Variants in REC114 observed in about 807,000 individuals in gnomAD.
REC114 encodes meiotic recombination protein REC114.
A neutral mutation model predicts 31.3 loss-of-function variants in REC114; 27 were observed. The ratio of observed to expected loss-of-function variants is 0.86; its 90% CI spans 0.64 to 1.19. The LOEUF is 1.19. Among genes scored for constraint, REC114 ranks in the 50% most tolerant of loss-of-function variants. The pLI is 0.00. For synonymous variants in REC114, 134 were observed against 127.7 expected (o/e 1.05, Z -0.33); for missense variants, 344 against 326.9 (o/e 1.05, Z -0.40).
At position 73,540,560 on chromosome 15, in the gene REC114, A is replaced by T; in HGVS notation, c.325A>T (p.Thr109Ser). 6.2e-7 allele frequency: 1 copy of T among 1,612,424 alleles called. No individual in the cohort carries two copies. The highest frequency in any genetic ancestry group is 8.5e-7 in the Non-Finnish European group (1 of 1,178,474). ...RRVDCLLFGT[T>S]IKDKSRLFRV... ...CGTGGATTGTCTGTTGTTTGGAACAACGATAAAGGCAAGATTTAAGCTAAT... is the reference window on the plus strand; with the variant it reads ...CGTGGATTGTCTGTTGTTTGGAACATCGATAAAGGCAAGATTTAAGCTAAT... Residue 109 changes from threonine (T) to serine (S), a missense_variant, in exon 3 of 6, where the codon ACG becomes TCG. Coordinates refer to ENST00000331090, the MANE Select transcript of REC114 (RefSeq NM_001042367.2).
At chr15:73,540,256 A>G (rs1321826246) in intron 2 of REC114, among the ~76,000 whole-genome samples, 3 of 152,138 alleles carry the variant, frequency 2.0e-5, no homozygotes, top group Non-Finnish European at 4.4e-5. Context: ...TCAACATAAA[A>G]AGATTAAGAA....
At chr15:73,509,821 C>A (rs1893736590) in intron 2 of REC114, among the ~76,000 whole-genome samples, 1 of 152,064 alleles carries the variant, frequency 6.6e-6, no homozygotes, top group Non-Finnish European at 1.5e-5. Flanking sequence ...TGGTACCAGT[C>A]CCATGCTGTT....
chr15:73,449,351 A>T (rs1892813202), intron 1 of REC114, among the ~76,000 whole-genome samples: 2 of 152,162 alleles, frequency 1.3e-5, no homozygotes, highest in Non-Finnish European at 2.9e-5. Flanking sequence ...CATGAAGCAT[A>T]CACAAGTATC....
chr15:73,551,026 C>T lies in REC114; in HGVS notation c.422C>T (p.Ala141Val), dbSNP rs191274114. 8 of 1,613,888 alleles carry T rather than the reference C, an allele frequency of 5.0e-6. No homozygotes were observed. The East Asian group carries it at 1.8e-4, about 36-fold the overall frequency. Reference sequence around the variant, plus strand: ...TGCTGCAGTTGTGTTCAGAAGCTGGCACAATACATAACCGTGCAGGTGCCT... The same window carrying T: ...TGCTGCAGTTGTGTTCAGAAGCTGGTACAATACATAACCGTGCAGGTGCCT... ...EHCCSCVQKL[A>V]QYITVQVPDG... Residue 141 changes from alanine to valine, a missense_variant, in exon 4 of 6, where the codon GCA becomes GTA. Ala to Val is a moderately conservative substitution (Grantham distance 64). Transcript: ENST00000331090.
chr15:73,458,445 T>TA (rs1291317404), intron 1 of REC114, among the ~76,000 whole-genome samples: 1 of 152,134 alleles, frequency 6.6e-6, no homozygotes, highest in East Asian at 1.9e-4. Flanking sequence ...TCATCAAGAG[T>TA]TATTATCCTT....
In REC114 at chr15:73,491,358, A is replaced by G. The variant is rs1032943568; in HGVS notation, c.249+17437A>G. Among the ~76,000 whole-genome samples, 4 of 149,622 alleles carry G rather than the reference A, an allele frequency of 2.7e-5. No individual in the cohort carries two copies. In the East Asian group the frequency reaches 8.0e-4, roughly 30 times the overall value. On this transcript the variant is annotated intron_variant, in intron 2 of 5. Coordinates refer to ENST00000331090, the MANE Select transcript of REC114 (RefSeq NM_001042367.2). Reference sequence around the variant, plus strand: ...TATTATCTTAATTTCTTTGTGTACTATCTTAATTTCTTTGTGTATTATCTT... The same window carrying G: ...TATTATCTTAATTTCTTTGTGTACTGTCTTAATTTCTTTGTGTATTATCTT...
chr15:73,479,486 T>C (rs1893263420), intron 2 of REC114, among the ~76,000 whole-genome samples: 1 of 152,072 alleles, frequency 6.6e-6, no homozygotes, highest in East Asian at 1.9e-4. Context: ...ATATACAATA[T>C]AGTGCTATTA....
At chr15:73,459,162 C>G (rs1341762590) in intron 1 of REC114, among the ~76,000 whole-genome samples, 2 of 152,048 alleles carry the variant, frequency 1.3e-5, no homozygotes, top group Non-Finnish European at 2.9e-5. Context: ...TCAGATGATC[C>G]TATAAGGTAG....
chr15:73,513,608 T>C (rs1163211816), intron 2 of REC114, among the ~76,000 whole-genome samples: 1 of 151,922 alleles, frequency 6.6e-6, no homozygotes, highest in Non-Finnish European at 1.5e-5. Flanking sequence ...GATGGTGATG[T>C]ACAGATGGGT....
At chr15:73,542,574 C>T (rs1894254988) in intron 3 of REC114, among the ~76,000 whole-genome samples, 1 of 152,132 alleles carries the variant, frequency 6.6e-6, no homozygotes, top group South Asian at 2.1e-4. Flanking sequence ...CCACAACCCC[C>T]AGAAGATGCC....
intron 2 of REC114, among the ~76,000 whole-genome samples, chr15:73,474,409 A>T (rs547953655): frequency 6.6e-6 from 1 of 152,222 alleles, no homozygotes; most frequent in South Asian, 2.1e-4. Flanking sequence ...ATGAAGAAAT[A>T]TGTAAAGAAA....
At chr15:73,489,655 T>C (rs1893418703) in intron 2 of REC114, among the ~76,000 whole-genome samples, 1 of 152,022 alleles carries the variant, frequency 6.6e-6, no homozygotes, top group Admixed American at 6.6e-5. Flanking sequence ...TATATTATTA[T>C]TAACTTATGT....
chr15:73,540,534 G>T lies in REC114; in HGVS notation c.299G>T (p.Arg100Leu). The change falls in exon 3 of 6, where the codon CGC becomes CTC. Residue 100 changes from arginine to leucine, a missense_variant. By Grantham distance (102) the Arg-to-Leu change is moderately radical. Coordinates refer to ENST00000331090, the MANE Select transcript of REC114 (RefSeq NM_001042367.2). ...AAGGACTGGTTGAAGATTGTAAGAC[G>T]CGTGGATTGTCTGTTGTTTGGAACA... Reference protein sequence around the residue: ...GSKDWLKIVRRVDCLLFGTTI... With the variant: ...GSKDWLKIVRLVDCLLFGTTI... The T allele has an allele frequency of 1.2e-6, 2 of 1,613,914 alleles. No homozygotes were observed. The highest frequency in any genetic ancestry group is 1.3e-5 in the African/African-American group (1 of 75,050).
At chr15:73,449,622 T>A (rs575119315) in intron 1 of REC114, among the ~76,000 whole-genome samples, 1 of 152,144 alleles carries the variant, frequency 6.6e-6, no homozygotes, top group East Asian at 1.9e-4. Flanking sequence ...CCGGCCAACA[T>A]TCAAATTCAG....
chr15:73,521,468 A>G (rs896282401), intron 2 of REC114, among the ~76,000 whole-genome samples: 2 of 152,176 alleles, frequency 1.3e-5, no homozygotes, highest in African/African-American at 4.8e-5. Context: ...AATCAAACCT[A>G]AGGAAAATAG....
intron 2 of REC114, among the ~76,000 whole-genome samples, chr15:73,533,145 C>CTAATG: frequency 1.3e-5 from 1 of 74,356 alleles, no homozygotes; most frequent in African/African-American, 4.7e-5. Context: ...GCAAAATAAC[C>CTAATG]AGCTAACATC....
At chr15:73,534,246 C>G (rs939594772) in intron 2 of REC114, among the ~76,000 whole-genome samples, 3 of 152,114 alleles carry the variant, frequency 2.0e-5, no homozygotes, top group Non-Finnish European at 2.9e-5. Context: ...AATCCAGGAG[C>G]TGGTTTTTTG....
chr15:73,481,775 C>T (rs146136875), intron 2 of REC114, among the ~76,000 whole-genome samples: 159 of 150,384 alleles, frequency 1.1e-3, no homozygotes, highest in Non-Finnish European at 1.8e-3. Flanking sequence ...TCTCCTACCT[C>T]AGCCTCCTGA....
At chr15:73,538,654 C>T (rs2141329062) in intron 2 of REC114, among the ~76,000 whole-genome samples, 1 of 151,956 alleles carries the variant, frequency 6.6e-6, no homozygotes, top group South Asian at 2.1e-4. Flanking sequence ...GACAGGGTTT[C>T]TCTGTGTTAG....
Sources: gnomAD v4.1 joint callset for allele counts (sites outside exome capture counted in the v4.1 genomes callset) on GRCh38, gnomAD v4.1.1 for gene constraint, MANE v1.5 for transcripts, NCBI Gene and HGNC (gene_info 2026-07-23, HGNC 2026-07-21) for gene names.